GABRB3: variants seen among roughly 807,000 people sequenced by gnomAD.
GABRB3 encodes the protein gamma-aminobutyric acid type A receptor subunit beta3, also known as gamma-aminobutyric acid receptor subunit beta-3.
Under a neutral mutation model 52.1 loss-of-function variants are expected in GABRB3, and 14 were observed. The ratio of observed to expected loss-of-function variants is 0.27; its 90% CI spans 0.18 to 0.42. GABRB3 has a LOEUF of 0.42. Among genes scored for constraint, GABRB3 ranks in the 10% least tolerant of loss-of-function variants. The probability of loss-of-function intolerance (pLI) is 1.00; values close to 1 mark genes in which losing one functional copy is unlikely to be tolerated. For synonymous variants in GABRB3, 260 were observed against 232.3 expected (o/e 1.12, Z -1.08); for missense variants, 307 against 609.1 (o/e 0.50, Z 5.22).
chr15:26,739,095 C>T (rs906656669), intron 3 of GABRB3, among the ~76,000 whole-genome samples: 1 of 152,268 alleles, frequency 6.6e-6, no homozygotes, highest in Middle Eastern at 3.4e-3. Flanking sequence ...AGTGACCCAG[C>T]TCATCACTGC....
chr15:26,622,967 G>A (rs1892542262), intron 3 of GABRB3, among the ~76,000 whole-genome samples: 1 of 152,198 alleles, frequency 6.6e-6, no homozygotes, highest in Non-Finnish European at 1.5e-5. Flanking sequence ...TAAAGGAGAG[G>A]CAGCATTTAA....
intron 3 of GABRB3, among the ~76,000 whole-genome samples, chr15:26,719,301 G>A (rs1193069383): frequency 3.3e-5 from 5 of 152,304 alleles, no homozygotes; most frequent in Admixed American, 6.5e-5. Flanking sequence ...CCAGGACTCC[G>A]CACACGCACT....
chr15:26,576,032 G>A (rs1890578553), intron 6 of GABRB3, among the ~76,000 whole-genome samples: 1 of 152,194 alleles, frequency 6.6e-6, no homozygotes, highest in African/African-American at 2.4e-5. Context: ...ACATTTTGCT[G>A]GTGAGCGGGA....
At chr15:26,549,950 C>T (rs1335867741) in intron 8 of GABRB3, 1 of 152,182 alleles carries the variant, frequency 6.6e-6, no homozygotes, top group Non-Finnish European at 1.5e-5. Flanking sequence ...GTATTGGTTT[C>T]CAGCACATCA....
At chr15:26,659,003 C>T (rs1305383451) in intron 3 of GABRB3, among the ~76,000 whole-genome samples, 1 of 152,190 alleles carries the variant, frequency 6.6e-6, no homozygotes, top group Non-Finnish European at 1.5e-5. Flanking sequence ...TTTGTTTTCA[C>T]TTTCCTATTC....
At chr15:26,637,949 G>T (rs2140567548) in intron 3 of GABRB3, among the ~76,000 whole-genome samples, 1 of 152,218 alleles carries the variant, frequency 6.6e-6, no homozygotes, top group Non-Finnish European at 1.5e-5. Context: ...GTTACCAAGG[G>T]CAAAAGACCT....
chr15:26,606,070 G>C (rs1371899349), intron 4 of GABRB3, among the ~76,000 whole-genome samples: 1 of 105,204 alleles, frequency 9.5e-6, no homozygotes, highest in Non-Finnish European at 2.1e-5. Flanking sequence ...AGAACAGCAA[G>C]GGGGAAATCA....
intron 3 of GABRB3, among the ~76,000 whole-genome samples, chr15:26,716,149 T>A (rs907355949): frequency 6.6e-6 from 1 of 152,168 alleles, no homozygotes; most frequent in Non-Finnish European, 1.5e-5. Flanking sequence ...AAATGTAAGA[T>A]TGTATTGATT....
At chr15:26,643,053 T>A (rs1461271705) in intron 3 of GABRB3, among the ~76,000 whole-genome samples, 2 of 152,104 alleles carry the variant, frequency 1.3e-5, no homozygotes, top group Non-Finnish European at 2.9e-5. Flanking sequence ...AGCTGACACC[T>A]CCACCCTGAC....
At chr15:26,679,652 C>T (rs1888176183) in intron 3 of GABRB3, among the ~76,000 whole-genome samples, 1 of 152,160 alleles carries the variant, frequency 6.6e-6, no homozygotes, top group South Asian at 2.1e-4. Context: ...CCACCCAGAG[C>T]CAGAAACAGT....
At chr15:26,607,912 T>C (rs1434388958) in intron 4 of GABRB3, among the ~76,000 whole-genome samples, 2 of 152,042 alleles carry the variant, frequency 1.3e-5, no homozygotes, top group African/African-American at 4.8e-5. Context: ...TATAGATTCA[T>C]TGTAATCCCT....
At position 26,554,193 on chromosome 15, in the gene GABRB3, A is replaced by AAGAG. The variant is rs1567097908; in HGVS notation, c.1081-6060_1081-6059insCTCT. Among the ~76,000 whole-genome samples the AAGAG allele has an allele frequency of 1.2e-3, 84 of 69,390 alleles. 1 individual carries two copies. In the East Asian group the frequency reaches 0.024, roughly 19 times the overall value. 45.5% of individuals were successfully genotyped at this position (69,390 alleles called of 152,430 possible). The stretch of plus-strand genomic sequence containing the variant: ...TATATAAAGTATATATATATATACT[A>AAGAG]TATATATATATATATAGTAGAAACA... On this transcript the variant is annotated intron_variant, in intron 8 of 8. Transcript: ENST00000311550.
chr15:26,629,554 G>A (rs1259120600), intron 3 of GABRB3, among the ~76,000 whole-genome samples: 1 of 152,140 alleles, frequency 6.6e-6, no homozygotes. Flanking sequence ...AAAAATAGCA[G>A]CTTCCAGTGG....
At chr15:26,761,044 T>C (rs1890807607) in intron 3 of GABRB3, among the ~76,000 whole-genome samples, 1 of 152,146 alleles carries the variant, frequency 6.6e-6, no homozygotes, top group Admixed American at 6.6e-5. Flanking sequence ...AAAATACATC[T>C]GCCCCCGAGC....
intron 3 of GABRB3, among the ~76,000 whole-genome samples, chr15:26,623,236 G>A (rs1428855590): frequency 3.3e-5 from 5 of 152,218 alleles, no homozygotes; most frequent in Non-Finnish European, 7.3e-5. Flanking sequence ...ATGGGTAAAA[G>A]AGAGCAGAGC....
intron 3 of GABRB3, among the ~76,000 whole-genome samples, chr15:26,763,711 C>G (rs1211798661): frequency 6.6e-6 from 1 of 150,766 alleles, no homozygotes; most frequent in Non-Finnish European, 1.5e-5. Context: ...AAGTCTTATT[C>G]AAAAAAATAA....
chr15:26,592,188 GT>G (rs980692521), intron 4 of GABRB3, among the ~76,000 whole-genome samples: 1 of 152,102 alleles, frequency 6.6e-6, no homozygotes, highest in Non-Finnish European at 1.5e-5. Flanking sequence ...TGATTTCAAG[GT>G]TTAGTTATAA....
intron 3 of GABRB3, among the ~76,000 whole-genome samples, chr15:26,730,404 C>T (rs1462925508): frequency 2.1e-4 from 25 of 116,562 alleles, no homozygotes; most frequent in African/African-American, 6.9e-4. Flanking sequence ...GGCGACAGAG[C>T]GAGACTCCGT....
intron 3 of GABRB3, chr15:26,624,119 T>A (rs12901348): frequency 0.41 from 366,127 of 884,942 alleles, 77,570 homozygotes; most frequent in Middle Eastern, 0.48. Flanking sequence ...AGCAAAGGCC[T>A]GAAAGGTTCT....
Sources: allele counts gnomAD v4.1 joint callset (sites outside exome capture counted in the v4.1 genomes callset), GRCh38; gene constraint gnomAD v4.1.1; transcripts MANE v1.5; gene names NCBI Gene and HGNC (gene_info 2026-07-23, HGNC 2026-07-21).